CNTNAP2: variants seen among roughly 807,000 people sequenced by gnomAD.
CNTNAP2 encodes contactin associated protein 2.
A neutral mutation model predicts 155.2 loss-of-function variants in CNTNAP2; 98 were observed. That is an observed-to-expected ratio of 0.63 (90% CI 0.54 to 0.75). The LOEUF (loss-of-function observed/expected upper bound fraction) is 0.75. Among genes scored for constraint, CNTNAP2 ranks in the 30% least tolerant of loss-of-function variants. The probability of loss-of-function intolerance (pLI) is 0.00; values close to 1 mark genes in which losing one functional copy is unlikely to be tolerated. For synonymous variants in CNTNAP2, 651 were observed against 631.2 expected, an observed-to-expected ratio of 1.03 and a Z score of -0.47; for missense variants, 1,727 against 1,688.1, an observed-to-expected ratio of 1.02 and a Z score of -0.40.
At chr7:147,868,099 G>T (rs1291497896) in intron 13 of CNTNAP2, among the ~76,000 whole-genome samples, 3 of 151,992 alleles carry the variant, frequency 2.0e-5, no homozygotes, top group Non-Finnish European at 4.4e-5. Flanking sequence ...TCTACCTTTG[G>T]TCTATGTGAT....
chr7:147,157,033 A>G (rs1210405748), intron 8 of CNTNAP2, among the ~76,000 whole-genome samples: 2 of 152,070 alleles, frequency 1.3e-5, no homozygotes, highest in Non-Finnish European at 2.9e-5. Flanking sequence ...TTCACTCTCC[A>G]TTTGTCTCCA....
At chr7:147,926,802 C>A (rs1056989057) in intron 14 of CNTNAP2, among the ~76,000 whole-genome samples, 5 of 151,726 alleles carry the variant, frequency 3.3e-5, no homozygotes, top group African/African-American at 1.2e-4. Context: ...TTAAACACTT[C>A]TTCATGTGAA....
At chr7:146,254,727 T>C (rs1799811580) in intron 1 of CNTNAP2, among the ~76,000 whole-genome samples, 2 of 152,028 alleles carry the variant, frequency 1.3e-5, no homozygotes, top group Admixed American at 1.3e-4. Context: ...ACATATTAGG[T>C]AAAAGAGAGT....
At chr7:147,736,573 T>C (rs1796848792) in intron 13 of CNTNAP2, among the ~76,000 whole-genome samples, 1 of 152,228 alleles carries the variant, frequency 6.6e-6, no homozygotes, top group East Asian at 1.9e-4. Flanking sequence ...TGACCTGCTT[T>C]GCTAGATTGG....
intron 1 of CNTNAP2, among the ~76,000 whole-genome samples, chr7:146,376,341 C>A (rs569479944): frequency 6.6e-6 from 1 of 151,976 alleles, no homozygotes; most frequent in African/African-American, 2.4e-5. Context: ...TACCTTTGTT[C>A]TTTTTCTTCA....
intron 13 of CNTNAP2, among the ~76,000 whole-genome samples, chr7:147,774,372 A>G (rs994487126): frequency 6.6e-6 from 1 of 152,210 alleles, no homozygotes; most frequent in African/African-American, 2.4e-5. Flanking sequence ...GGTTCACTAC[A>G]TGACATAGAA....
intron 10 of CNTNAP2, among the ~76,000 whole-genome samples, chr7:147,434,437 C>A (rs566130024): frequency 6.6e-6 from 1 of 152,242 alleles, no homozygotes; most frequent in African/African-American, 2.4e-5. Flanking sequence ...GTATCTATTT[C>A]ATTTTACTGT....
chr7:146,366,731 T>C (rs1279635761), intron 1 of CNTNAP2, among the ~76,000 whole-genome samples: 7 of 152,154 alleles, frequency 4.6e-5, no homozygotes, highest in Non-Finnish European at 1.0e-4. Flanking sequence ...CTGATCTTCA[T>C]TTCAGTCATG....
intron 14 of CNTNAP2, among the ~76,000 whole-genome samples, chr7:147,950,416 T>G (rs563740719): frequency 6.7e-6 from 1 of 150,250 alleles, no homozygotes; most frequent in South Asian, 2.1e-4. Flanking sequence ...TTGTTTATTG[T>G]GCTTATCACA....
In CNTNAP2 at chr7:148,375,639, G is replaced by A. The variant is rs530900604; in HGVS notation, c.3476-8010G>A. Among the ~76,000 whole-genome samples the A allele has an allele frequency of 5.3e-5, 8 of 151,238 alleles. No homozygotes were observed. The South Asian group carries it at 6.2e-4, about 12-fold the overall frequency. ...CTCCCAAAGTGCTGGGATTACAGGC[G>A]TAAGCCACCATGCCCGGCCATTACA... On this transcript the variant is annotated intron_variant, in intron 21 of 23. Transcript: ENST00000361727.
Position 148,420,791 on chromosome 7 carries a change from C to A in CNTNAP2, c.*5175C>A, listed in dbSNP as rs1474131001. 6.6e-6 allele frequency: 1 copy of A among 152,570 alleles called. No homozygotes were observed. Among genetic ancestry groups the A allele is most frequent in the South Asian group, 2.1e-4 (1 of 4,826 alleles). The allele number at this position is 152,570 out of a possible 1,614,324, so 9.5% of individuals were successfully genotyped here. A position where few individuals can be genotyped will look rare whatever the true frequency, so the allele number is the denominator to read the frequency against. ...GCTGTGAAAAGCTGGGCTAAATATT[C>A]TTTCTGTAAAGTCAAACAGGATTCC... On this transcript the variant is annotated 3_prime_UTR_variant, in exon 24 of 24. Coordinates refer to ENST00000361727, the MANE Select transcript of CNTNAP2 (RefSeq NM_014141.6).
At chr7:148,400,836 C>T (rs370514998) in intron 22 of CNTNAP2, among the ~76,000 whole-genome samples, 4 of 152,076 alleles carry the variant, frequency 2.6e-5, no homozygotes, top group Admixed American at 6.5e-5. Context: ...AAAAATTAGC[C>T]GGGCATGGTG....
intron 8 of CNTNAP2, among the ~76,000 whole-genome samples, chr7:147,170,485 A>G (rs1393059669): frequency 1.3e-5 from 2 of 152,044 alleles, no homozygotes; most frequent in Admixed American, 1.3e-4. Flanking sequence ...GGTGTTGGGC[A>G]GGGGGATAGA....
At chr7:147,428,320 CT>C (rs530113946) in intron 10 of CNTNAP2, among the ~76,000 whole-genome samples, 18 of 151,862 alleles carry the variant, frequency 1.2e-4, no homozygotes, top group Non-Finnish European at 2.1e-4. Flanking sequence ...ACTTTGCAGC[CT>C]TTTTTTTCAG....
intron 1 of CNTNAP2, among the ~76,000 whole-genome samples, chr7:146,615,443 A>G (rs1169772306): frequency 6.6e-6 from 1 of 152,244 alleles, no homozygotes; most frequent in African/African-American, 2.4e-5. Flanking sequence ...TGAAATAAAT[A>G]TGGAAACAAG....
At chr7:146,619,270 AC>A (rs1186993569) in intron 1 of CNTNAP2, among the ~76,000 whole-genome samples, 1 of 152,150 alleles carries the variant, frequency 6.6e-6, no homozygotes, top group Non-Finnish European at 1.5e-5. Context: ...GGTATATTAA[AC>A]CCAAATGGTG....
chr7:147,098,751 A>G (rs1800594965), intron 4 of CNTNAP2, among the ~76,000 whole-genome samples: 1 of 152,160 alleles, frequency 6.6e-6, no homozygotes, highest in Non-Finnish European at 1.5e-5. Flanking sequence ...AGGCCAACAT[A>G]TCAGAAAACA....
intron 1 of CNTNAP2, among the ~76,000 whole-genome samples, chr7:146,622,714 T>C (rs554719667): frequency 5.2e-4 from 79 of 152,180 alleles, no homozygotes; most frequent in African/African-American, 1.9e-3. Context: ...CCTAGCACTT[T>C]GGGAGGCCGA....
chr7:147,406,872 T>C (rs1233122385), intron 10 of CNTNAP2, among the ~76,000 whole-genome samples: 1 of 152,218 alleles, frequency 6.6e-6, no homozygotes. Context: ...TTATCTACAA[T>C]TGTGATCAGG....
Sources: gnomAD v4.1 joint callset for allele counts (sites outside exome capture counted in the v4.1 genomes callset) on GRCh38, gnomAD v4.1.1 for gene constraint, MANE v1.5 for transcripts, NCBI Gene and HGNC (gene_info 2026-07-23, HGNC 2026-07-21) for gene names.